Variants in OSBP2 observed in about 807,000 individuals in gnomAD.
The protein encoded by OSBP2 is oxysterol binding protein 2, also known as oxysterol-binding protein 2.
A neutral mutation model predicts 96.0 loss-of-function variants in OSBP2; 66 were observed. That is an observed-to-expected ratio of 0.69 (90% CI 0.56 to 0.84). OSBP2 has a LOEUF of 0.84. Ranked by LOEUF, OSBP2 falls within the 40% of genes least tolerant of loss-of-function variation. OSBP2 has a pLI of 0.00. For missense variants in OSBP2, 1,038 were observed against 1,222.7 expected (o/e 0.85, Z 2.25); for synonymous variants, 525 against 520.9 (o/e 1.01, Z -0.11).
At chr22:30,739,915 C>T (rs1343788146) in intron 1 of OSBP2, among the ~76,000 whole-genome samples, 5 of 152,206 alleles carry the variant, frequency 3.3e-5, no homozygotes, top group African/African-American at 9.6e-5. Context: ...TCTTGGCTCA[C>T]GGCAACCTCT....
intron 2 of OSBP2, among the ~76,000 whole-genome samples, chr22:30,742,417 A>C (rs1273773731): frequency 6.6e-6 from 1 of 152,046 alleles, no homozygotes; most frequent in Non-Finnish European, 1.5e-5. Flanking sequence ...CTCAAAAAAA[A>C]AAAAAAGTAA....
At chr22:30,707,061 G>A (rs2089265644) in intron 1 of OSBP2, among the ~76,000 whole-genome samples, 1 of 152,042 alleles carries the variant, frequency 6.6e-6, no homozygotes, top group African/African-American at 2.4e-5. Flanking sequence ...TAGAGTGCTG[G>A]GCCTAGGGCC....
chr22:30,787,627 C>T lies in OSBP2; in HGVS notation c.853+46258C>T, dbSNP rs184544982. ...GGTGGAGGTTTTGGTGAGCTGAGAT[C>T]GTGCCACTGCACTCCAGCCTGGGTA... On this transcript the variant is annotated intron_variant, in intron 2 of 13. Transcript: ENST00000332585. 4.9e-3 allele frequency among the ~76,000 whole-genome samples: 745 copies of T among 152,082 alleles called. 2 individuals carry two copies. The highest frequency in any genetic ancestry group is 8.4e-3 in the Non-Finnish European group (573 of 67,982).
intron 2 of OSBP2, among the ~76,000 whole-genome samples, chr22:30,867,101 G>A (rs779356553): frequency 6.6e-6 from 1 of 152,166 alleles, no homozygotes; most frequent in African/African-American, 2.4e-5. Flanking sequence ...GGTAGTTCAC[G>A]GCCTTGGAGC....
intron 2 of OSBP2, among the ~76,000 whole-genome samples, chr22:30,832,703 C>T (rs984701361): frequency 6.6e-6 from 1 of 152,194 alleles, no homozygotes; most frequent in African/African-American, 2.4e-5. Context: ...TCCTTGAAGA[C>T]AGCAGAGTTT....
intron 2 of OSBP2, among the ~76,000 whole-genome samples, chr22:30,834,446 A>G (rs2038591688): frequency 6.6e-6 from 1 of 152,218 alleles, no homozygotes; most frequent in African/African-American, 2.4e-5. Context: ...ACCATTTTAC[A>G]TTATCACAAG....
At chr22:30,822,839 C>CG in intron 2 of OSBP2, 1 of 689,974 alleles carries the variant, frequency 1.4e-6, no homozygotes. Context: ...GTGGGGAGCG[C>CG]GGGGAGCCTC....
At chr22:30,736,986 C>T (rs2089865424) in intron 1 of OSBP2, among the ~76,000 whole-genome samples, 1 of 152,208 alleles carries the variant, frequency 6.6e-6, no homozygotes, top group Admixed American at 6.5e-5. Context: ...GTGCAAGTCA[C>T]TTCGATTCTC....
chr22:30,828,452 C>A (rs192036291), intron 2 of OSBP2, among the ~76,000 whole-genome samples: 1 of 152,334 alleles, frequency 6.6e-6, no homozygotes, highest in Non-Finnish European at 1.5e-5. Context: ...AAGGAGAGGA[C>A]TGGCATGGCC....
intron 1 of OSBP2, among the ~76,000 whole-genome samples, chr22:30,715,308 T>C (rs918498973): frequency 6.6e-6 from 1 of 152,102 alleles, no homozygotes; most frequent in Non-Finnish European, 1.5e-5. Flanking sequence ...TGTGAGATGG[T>C]ATCTATTGTG....
intron 2 of OSBP2, among the ~76,000 whole-genome samples, chr22:30,787,628 G>C (rs1301304035): frequency 1.3e-5 from 2 of 152,062 alleles, no homozygotes; most frequent in African/African-American, 4.8e-5. Flanking sequence ...AGCTGAGATC[G>C]TGCCACTGCA....
At chr22:30,888,737 T>C (rs2039873772) in intron 5 of OSBP2, among the ~76,000 whole-genome samples, 2 of 152,074 alleles carry the variant, frequency 1.3e-5, no homozygotes, top group Admixed American at 1.3e-4. Flanking sequence ...AAAAAATCAA[T>C]AATCTATCGG....
intron 2 of OSBP2, among the ~76,000 whole-genome samples, chr22:30,800,581 A>G (rs566512920): frequency 6.6e-6 from 1 of 152,288 alleles, no homozygotes; most frequent in South Asian, 2.1e-4. Context: ...ACTCATTGTC[A>G]GCAGCAATGG....
At chr22:30,780,862 C>T (rs117248371) in intron 2 of OSBP2, among the ~76,000 whole-genome samples, 1,616 of 152,260 alleles carry the variant, frequency 0.011, 10 homozygotes, top group Middle Eastern at 0.017. Context: ...GTGTTTCAAA[C>T]GACTCAAATG....
At position 30,902,529 on chromosome 22, in the gene OSBP2, G is replaced by A. The variant is rs532896393; in HGVS notation, c.2376-3308G>A. On this transcript the variant is annotated intron_variant, in intron 12 of 13. Transcript: ENST00000332585. The stretch of plus-strand genomic sequence containing the variant: ...AAGCTTCAGGGATGACTTCTTAGGA[G>A]GCAGGGGAGGTAGTCACCCAGGTGA... 7 of 1,422,792 alleles carry A rather than the reference G, an allele frequency of 4.9e-6. No individual in the cohort carries two copies. In the East Asian group the frequency reaches 1.2e-4, roughly 23 times the overall value. 88.1% of individuals were successfully genotyped at this position (1,422,792 alleles called of 1,614,324 possible).
intron 2 of OSBP2, among the ~76,000 whole-genome samples, chr22:30,830,406 T>G (rs533785725): frequency 1.3e-5 from 2 of 152,350 alleles, no homozygotes; most frequent in Admixed American, 6.5e-5. Flanking sequence ...TGGGGCTGCC[T>G]GCCGCATCCT....
At chr22:30,873,629 C>T (rs184717533) in intron 3 of OSBP2, among the ~76,000 whole-genome samples, 86 of 152,298 alleles carry the variant, frequency 5.6e-4, no homozygotes, top group Admixed American at 1.4e-3. Flanking sequence ...GTGATGTGTG[C>T]GGGGATGCTC....
rs149498098 is a variant in OSBP2 at position 30,880,307 on chromosome 22, C to T, written c.1108-7119C>T. Reference sequence around the variant, plus strand: ...GAGAGCAGAGGGTCCTCCGGCCGCCCACCTGGGAGCCCAGAGCCAGAGGGC... The same window carrying T: ...GAGAGCAGAGGGTCCTCCGGCCGCCTACCTGGGAGCCCAGAGCCAGAGGGC... On this transcript the variant is annotated intron_variant, in intron 3 of 13. Transcript: ENST00000332585. Among the ~76,000 whole-genome samples, 222 of 152,338 alleles carry T rather than the reference C, an allele frequency of 1.5e-3. 2 individuals are homozygous for T. The highest frequency in any genetic ancestry group is 5.0e-3 in the African/African-American group (206 of 41,582).
chr22:30,730,878 T>G (rs1211767605), intron 1 of OSBP2, among the ~76,000 whole-genome samples: 1 of 146,066 alleles, frequency 6.8e-6, no homozygotes, highest in Admixed American at 7.0e-5. Context: ...AGGCAGGGAT[T>G]AAAGAGCTAA....
Sources: allele counts gnomAD v4.1 joint callset (sites outside exome capture counted in the v4.1 genomes callset), GRCh38; gene constraint gnomAD v4.1.1; transcripts MANE v1.5; gene names NCBI Gene and HGNC (gene_info 2026-07-23, HGNC 2026-07-21).